Variants in RABGAP1L observed in about 807,000 individuals in gnomAD.
RABGAP1L encodes the protein rab GTPase-activating protein 1-like.
RABGAP1L carries 63 observed loss-of-function variants against 137.7 expected under a neutral mutation model. That is an observed-to-expected ratio of 0.46 (90% confidence interval 0.37 to 0.56). The LOEUF (loss-of-function observed/expected upper bound fraction) is 0.56, where lower values mean the gene tolerates loss of function less well. Ranked by LOEUF, RABGAP1L falls within the 20% of genes least tolerant of loss-of-function variation. RABGAP1L has a pLI of 0.00. For synonymous variants in RABGAP1L, 431 were observed against 433.7 expected, an observed-to-expected ratio of 0.99 and a Z score of 0.08; for missense variants, 1,095 against 1,244.0, an observed-to-expected ratio of 0.88 and a Z score of 1.80.
At chr1:174,224,417 C>T (rs1670006614) in intron 3 of RABGAP1L, among the ~76,000 whole-genome samples, 1 of 152,084 alleles carries the variant, frequency 6.6e-6, no homozygotes, top group Non-Finnish European at 1.5e-5. Context: ...TTGCAGTGAG[C>T]CAAGATTACA....
intron 13 of RABGAP1L, among the ~76,000 whole-genome samples, chr1:174,428,017 A>T (rs1450828185): frequency 2.0e-5 from 3 of 152,208 alleles, no homozygotes; most frequent in East Asian, 3.8e-4. Context: ...CTTCTAGTGA[A>T]TACATCCCTG....
intron 13 of RABGAP1L, among the ~76,000 whole-genome samples, chr1:174,518,533 G>T (rs562639074): frequency 4.6e-5 from 7 of 152,054 alleles, no homozygotes; most frequent in African/African-American, 1.7e-4. Flanking sequence ...TCAATCACTG[G>T]TTGATTGAAT....
At chr1:174,837,260 T>G (rs190773179) in intron 19 of RABGAP1L, among the ~76,000 whole-genome samples, 2 of 152,296 alleles carry the variant, frequency 1.3e-5, no homozygotes, top group South Asian at 2.1e-4. Context: ...TTATTCACTA[T>G]AAAGAATTTA....
intron 14 of RABGAP1L, among the ~76,000 whole-genome samples, chr1:174,667,810 A>G (rs1025420397): frequency 1.3e-5 from 2 of 151,894 alleles, no homozygotes; most frequent in Non-Finnish European, 2.9e-5. Flanking sequence ...ACTGTGCACT[A>G]TTTCATTGTA....
chr1:174,254,123 C>G (rs1006153157), intron 7 of RABGAP1L, among the ~76,000 whole-genome samples: 2 of 151,880 alleles, frequency 1.3e-5, no homozygotes, highest in Admixed American at 6.6e-5. Flanking sequence ...GGTAGGCTAT[C>G]TAGCTCCACT....
At chr1:174,465,579 A>G (rs942415272) in intron 13 of RABGAP1L, among the ~76,000 whole-genome samples, 1 of 152,190 alleles carries the variant, frequency 6.6e-6, no homozygotes, top group East Asian at 1.9e-4. Context: ...CTTTTCTCAT[A>G]GAGCTTACAT....
At chr1:174,198,284 T>G (rs577364770) in intron 1 of RABGAP1L, among the ~76,000 whole-genome samples, 1 of 152,176 alleles carries the variant, frequency 6.6e-6, no homozygotes, top group Non-Finnish European at 1.5e-5. Flanking sequence ...TAGATCTTGT[T>G]TATAATATAC....
rs546920459 is a variant in RABGAP1L at position 174,405,100 on chromosome 1, T to G, written c.1710+10955T>G. 1.0e-3 allele frequency among the ~76,000 whole-genome samples: 159 copies of G among 152,340 alleles called. 1 individual carries two copies. Among genetic ancestry groups the G allele is most frequent in the African/African-American group, 3.7e-3 (155 of 41,586 alleles). On this transcript the variant is annotated intron_variant, in intron 13 of 25. Coordinates refer to ENST00000681986, the MANE Select transcript of RABGAP1L (RefSeq NM_001366446.1). ...TACTCTGGGTTGGTGGAATGTATTA[T>G]AATGATAATATTGGAAATTCTCAAG...
At position 174,992,955 on chromosome 1, in the gene RABGAP1L, C is replaced by CT. The variant is rs1278853447; in HGVS notation, c.*2955dup. ...CTGTACAAAACATTCCTCTGAAAAT[C>CT]TAATATTTGCAGTATCTAAGAATTG... On this transcript the variant is annotated 3_prime_UTR_variant, in exon 26 of 26. Transcript: ENST00000681986. 6.6e-6 allele frequency: 1 copy of CT among 152,160 alleles called. No homozygotes were observed. The highest frequency in any genetic ancestry group is 1.5e-5 in the Non-Finnish European group (1 of 68,022). The allele number at this position is 152,160 out of a possible 1,614,324, so 9.4% of individuals were successfully genotyped here. A position where few individuals can be genotyped will look rare whatever the true frequency, so the allele number is the denominator to read the frequency against.
At chr1:174,755,109 T>A (rs1454767901) in intron 18 of RABGAP1L, among the ~76,000 whole-genome samples, 1 of 152,156 alleles carries the variant, frequency 6.6e-6, no homozygotes, top group African/African-American at 2.4e-5. Context: ...GTGGGAAAGT[T>A]GGATTTATAA....
At chr1:174,403,637 T>C (rs1648907273) in intron 13 of RABGAP1L, among the ~76,000 whole-genome samples, 1 of 152,096 alleles carries the variant, frequency 6.6e-6, no homozygotes, top group South Asian at 2.1e-4. Context: ...ACAACAGTAA[T>C]AGCAATGTTA....
At chr1:174,859,067 A>G (rs2981896) in intron 19 of RABGAP1L, among the ~76,000 whole-genome samples, 1 of 151,966 alleles carries the variant, frequency 6.6e-6, no homozygotes, top group African/African-American at 2.4e-5. Flanking sequence ...TGGTTATATA[A>G]CAAAAGGAAT....
chr1:174,426,340 C>T (rs905502936), intron 13 of RABGAP1L, among the ~76,000 whole-genome samples: 1 of 151,866 alleles, frequency 6.6e-6, no homozygotes, highest in Non-Finnish European at 1.5e-5. Context: ...TTTGGTAGCC[C>T]GATAATATTT....
chr1:174,175,542 C>T (rs1325902920), intron 1 of RABGAP1L, among the ~76,000 whole-genome samples: 2 of 150,108 alleles, frequency 1.3e-5, no homozygotes, highest in East Asian at 2.0e-4. Context: ...TCACTGTAAC[C>T]TCTGCCTGCT....
At chr1:174,821,338 A>G (rs973168525) in intron 19 of RABGAP1L, among the ~76,000 whole-genome samples, 1 of 152,144 alleles carries the variant, frequency 6.6e-6, no homozygotes, top group African/African-American at 2.4e-5. Flanking sequence ...ACCCCGTGCT[A>G]AAGAGGTAGC....
Position 174,378,963 on chromosome 1 carries a change from A to G in RABGAP1L, c.1559+7891A>G, listed in dbSNP as rs1052754196. 2.6e-3 allele frequency among the ~76,000 whole-genome samples: 341 copies of G among 130,496 alleles called. 4 individuals are homozygous for G. In the East Asian group the frequency reaches 0.037, roughly 14 times the overall value. The allele number at this position is 130,496 out of a possible 152,430, so 85.6% of individuals were successfully genotyped here. On this transcript the variant is annotated intron_variant, in intron 12 of 25. Transcript: ENST00000681986. ...TAATCCATCTTGAATTGATTTTTGT[A>G]TAAGGTGTAAGGAAGGGATCCAGTT...
intron 13 of RABGAP1L, among the ~76,000 whole-genome samples, chr1:174,425,686 G>A (rs1651865359): frequency 6.6e-6 from 1 of 151,810 alleles, no homozygotes. Context: ...TTAATGATGC[G>A]GTTTAGACAT....
intron 13 of RABGAP1L, among the ~76,000 whole-genome samples, chr1:174,606,013 C>T (rs1450692234): frequency 6.6e-6 from 1 of 152,138 alleles, no homozygotes; most frequent in Non-Finnish European, 1.5e-5. Context: ...GAAAGGGGCT[C>T]TTTTCAAATT....
chr1:174,640,974 TAATTA>T (rs1237064320), intron 14 of RABGAP1L, among the ~76,000 whole-genome samples: 3 of 86,272 alleles, frequency 3.5e-5, no homozygotes, highest in South Asian at 3.1e-4. Context: ...TTAATTATAT[TAATTA>T]AATATAATTT....
Sources: allele counts gnomAD v4.1 joint callset (sites outside exome capture counted in the v4.1 genomes callset), GRCh38; gene constraint gnomAD v4.1.1; transcripts MANE v1.5; gene names NCBI Gene and HGNC (gene_info 2026-07-23, HGNC 2026-07-21).